TNKS: variants seen among roughly 807,000 people sequenced by gnomAD.
TNKS encodes tankyrase.
TNKS carries 72 observed loss-of-function variants against 135.8 expected under a neutral mutation model. The ratio of observed to expected loss-of-function variants is 0.53; its 90% CI spans 0.44 to 0.64. The LOEUF (loss-of-function observed/expected upper bound fraction) is 0.64. Ranked by LOEUF, TNKS falls within the 30% of genes least tolerant of loss-of-function variation. TNKS has a pLI of 0.00. For missense variants in TNKS, 1,769 were observed against 1,674.0 expected, an observed-to-expected ratio of 1.06 and a Z score of -0.99; for synonymous variants, 849 against 649.3, an observed-to-expected ratio of 1.31 and a Z score of -4.68.
intron 3 of TNKS, among the ~76,000 whole-genome samples, chr8:9,664,052 C>T (rs1028058730): frequency 6.6e-6 from 1 of 152,268 alleles, no homozygotes; most frequent in Middle Eastern, 3.4e-3. Flanking sequence ...ATCCAGGAGC[C>T]CCCAGCCATC....
intron 3 of TNKS, among the ~76,000 whole-genome samples, chr8:9,635,014 A>C (rs1033611024): frequency 6.6e-6 from 1 of 150,920 alleles, no homozygotes. Context: ...AAATACAAAA[A>C]AAAATATTAG....
intron 17 of TNKS, among the ~76,000 whole-genome samples, chr8:9,735,715 G>T (rs988542545): frequency 6.6e-6 from 1 of 152,060 alleles, no homozygotes; most frequent in Non-Finnish European, 1.5e-5. Context: ...CAGGAGAATG[G>T]CATGAACCCG....
chr8:9,596,304 T>A (rs4613996), intron 2 of TNKS, among the ~76,000 whole-genome samples: 4,099 of 152,244 alleles, frequency 0.027, 172 homozygotes, highest in African/African-American at 0.09. Context: ...ATGGCTTCCC[T>A]TTGTACAGTT....
intron 5 of TNKS, among the ~76,000 whole-genome samples, chr8:9,703,459 C>G (rs1033073750): frequency 6.6e-6 from 1 of 152,138 alleles, no homozygotes; most frequent in Admixed American, 6.5e-5. Context: ...CTGAGACACA[C>G]GAGTAGCATG....
intron 1 of TNKS, among the ~76,000 whole-genome samples, chr8:9,572,119 A>G (rs1446650626): frequency 6.6e-6 from 1 of 152,178 alleles, no homozygotes; most frequent in Non-Finnish European, 1.5e-5. Flanking sequence ...CACACGTACT[A>G]CTGAATTCAT....
rs1372189552 is a variant in TNKS at position 9,751,848 on chromosome 8, T to C, written c.3070+2T>C. 6.2e-7 allele frequency: 1 copy of C among 1,613,394 alleles called. No homozygotes were observed. Among genetic ancestry groups the C allele is most frequent in the Non-Finnish European group, 8.5e-7 (1 of 1,179,342 alleles). On this transcript the variant is annotated splice_donor_variant, in intron 19 of 26. Transcript: ENST00000310430. LOFTEE classifies it high-confidence loss of function. Reference sequence around the variant, plus strand: ...GAACAGAAAGGAAGGAAGGAGAAGGTGAGTAGACCCCATGAATGCTTATTT... The same window carrying C: ...GAACAGAAAGGAAGGAAGGAGAAGGCGAGTAGACCCCATGAATGCTTATTT...
chr8:9,595,399 A>G (rs576053602), intron 2 of TNKS, among the ~76,000 whole-genome samples: 2 of 152,256 alleles, frequency 1.3e-5, no homozygotes, highest in South Asian at 2.1e-4. Context: ...GCCTTTGGAA[A>G]TAATCTCCGC....
intron 1 of TNKS, among the ~76,000 whole-genome samples, chr8:9,563,449 G>A (rs1348071470): frequency 1.3e-5 from 2 of 152,022 alleles, no homozygotes; most frequent in African/African-American, 4.8e-5. Flanking sequence ...TACTGTGAAA[G>A]TTTCCATAGA....
chr8:9,588,722 AG>A (rs1798482612), intron 2 of TNKS, among the ~76,000 whole-genome samples: 1 of 152,138 alleles, frequency 6.6e-6, no homozygotes, highest in South Asian at 2.1e-4. Context: ...GCAGATTATA[AG>A]GTCTGTGCTT....
intron 3 of TNKS, among the ~76,000 whole-genome samples, chr8:9,649,862 T>C (rs898072276): frequency 1.4e-5 from 2 of 146,522 alleles, no homozygotes; most frequent in Admixed American, 1.4e-4. Flanking sequence ...CCACAGTTCT[T>C]TCTTTCTTTT....
At position 9,705,948 on chromosome 8, in the gene TNKS, C is replaced by T. The variant is rs191274633; in HGVS notation, c.1203-239C>T. Among the ~76,000 whole-genome samples the T allele has an allele frequency of 4.9e-4, 75 of 152,060 alleles. No homozygotes were observed. In the Middle Eastern group the frequency reaches 0.017, roughly 35 times the overall value. On this transcript the variant is annotated intron_variant, in intron 6 of 26. Transcript: ENST00000310430. ...AATTAGCATATGATCTTCCTTTCGC[C>T]AAAATGTTCTTCTATTTGGTATTTT...
At chr8:9,669,444 A>G (rs979686236) in intron 3 of TNKS, among the ~76,000 whole-genome samples, 12 of 146,260 alleles carry the variant, frequency 8.2e-5, no homozygotes, top group Non-Finnish European at 1.1e-4. Context: ...AAAAAAAAAA[A>G]GAATGGAAAA....
chr8:9,727,367 A>G (rs912866377), intron 13 of TNKS, among the ~76,000 whole-genome samples: 5 of 152,150 alleles, frequency 3.3e-5, no homozygotes, highest in African/African-American at 1.2e-4. Context: ...TTTCCCATCT[A>G]TAATCATTCA....
intron 20 of TNKS, among the ~76,000 whole-genome samples, chr8:9,758,153 A>T (rs551459815): frequency 4.1e-4 from 62 of 152,340 alleles, no homozygotes; most frequent in African/African-American, 1.5e-3. Flanking sequence ...CATTGTAAGG[A>T]TTAAATGAGG....
intron 3 of TNKS, among the ~76,000 whole-genome samples, chr8:9,628,920 C>G (rs751751769): frequency 2.6e-5 from 4 of 152,188 alleles, no homozygotes; most frequent in Admixed American, 6.5e-5. Context: ...CCACAAGCTA[C>G]CCGGTTGCTC....
intron 3 of TNKS, among the ~76,000 whole-genome samples, chr8:9,638,317 C>T (rs1258000462): frequency 6.6e-6 from 1 of 152,206 alleles, no homozygotes; most frequent in Admixed American, 6.5e-5. Context: ...TCATGGCTTC[C>T]ATGTCAATGT....
chr8:9,769,690 G>A (rs1277198811), intron 25 of TNKS, among the ~76,000 whole-genome samples: 2 of 144,232 alleles, frequency 1.4e-5, no homozygotes, highest in Admixed American at 7.3e-5. Context: ...CGCGATCTCG[G>A]CTCACTGCAA....
At chr8:9,645,921 T>A (rs527905001) in intron 3 of TNKS, among the ~76,000 whole-genome samples, 1 of 152,328 alleles carries the variant, frequency 6.6e-6, no homozygotes, top group South Asian at 2.1e-4. Flanking sequence ...TTTCTCTGAT[T>A]TGACAAAATA....
At chr8:9,698,120 G>C (rs1402322031) in intron 5 of TNKS, among the ~76,000 whole-genome samples, 1 of 152,080 alleles carries the variant, frequency 6.6e-6, no homozygotes, top group Non-Finnish European at 1.5e-5. Context: ...TGGAGCCAGA[G>C]GCCATTAACC....
Sources: gnomAD v4.1 joint callset for allele counts (sites outside exome capture counted in the v4.1 genomes callset) on GRCh38, gnomAD v4.1.1 for gene constraint, MANE v1.5 for transcripts, NCBI Gene and HGNC (gene_info 2026-07-23, HGNC 2026-07-21) for gene names.